Variants in PRKN observed in about 807,000 individuals in gnomAD.
The protein encoded by PRKN is E3 ubiquitin-protein ligase parkin.
In PRKN, 56 loss-of-function variants were observed where a neutral mutation model predicts 59.5. The observed-to-expected ratio is 0.94, with a 90% confidence interval of 0.76 to 1.18. The LOEUF is 1.18. Among genes scored for constraint, PRKN ranks in the 50% most tolerant of loss-of-function variants. The pLI is 0.00. For synonymous variants in PRKN, 250 were observed against 222.1 expected (o/e 1.13, Z -1.12); for missense variants, 657 against 596.4 (o/e 1.10, Z -1.06).
intron 5 of PRKN, among the ~76,000 whole-genome samples, chr6:161,975,140 C>T (rs1417715074): frequency 7.2e-6 from 1 of 138,282 alleles, no homozygotes; most frequent in Non-Finnish European, 1.5e-5. Flanking sequence ...GGCTGGAGTG[C>T]AGTGGCGCGA....
At chr6:162,271,016 G>GTTTTTT (rs61368267) in intron 2 of PRKN, among the ~76,000 whole-genome samples, 31 of 108,244 alleles carry the variant, frequency 2.9e-4, no homozygotes, top group African/African-American at 7.7e-4. Flanking sequence ...TAATTTTCTA[G>GTTTTTT]TTTTTTTTTT....
intron 7 of PRKN, among the ~76,000 whole-genome samples, chr6:161,580,411 C>G (rs1293258214): frequency 1.3e-5 from 2 of 152,148 alleles, no homozygotes; most frequent in Non-Finnish European, 2.9e-5. Context: ...CAATTCCAGA[C>G]AGTTAAATCC....
intron 9 of PRKN, among the ~76,000 whole-genome samples, chr6:161,517,354 C>T (rs1778647005): frequency 6.6e-6 from 1 of 152,010 alleles, no homozygotes; most frequent in African/African-American, 2.4e-5. Context: ...TCACAGCGCA[C>T]CAAAACGTAC....
Position 161,527,536 on chromosome 6 carries a change from C to T in PRKN, c.1083+21318G>A, listed in dbSNP as rs1017057862. On this transcript the variant is annotated intron_variant, in intron 9 of 11. Coordinates refer to ENST00000366898, the MANE Select transcript of PRKN (RefSeq NM_004562.3). This position sits in a 1 kb window ranked among gnomAD's most constrained non-coding sequence, Gnocchi z 4.6. ...GCAAGATGCCTTCTGCTACCAAGTGCTGTGGCCTCTCTCTGCCTGAGGGGT... is the reference window on the plus strand; with the variant it reads ...GCAAGATGCCTTCTGCTACCAAGTGTTGTGGCCTCTCTCTGCCTGAGGGGT... Among the ~76,000 whole-genome samples the T allele has an allele frequency of 1.3e-5, 2 of 152,214 alleles. No individual in the cohort carries two copies. Among genetic ancestry groups the T allele is most frequent in the African/African-American group, 4.8e-5 (2 of 41,446 alleles).
intron 7 of PRKN, among the ~76,000 whole-genome samples, chr6:161,738,531 T>C (rs186875300): frequency 6.6e-6 from 1 of 152,294 alleles, no homozygotes; most frequent in East Asian, 1.9e-4. Flanking sequence ...GTAAAATGTG[T>C]CCCTGAGTAA....
At chr6:162,512,978 G>A (rs1321082310) in intron 1 of PRKN, among the ~76,000 whole-genome samples, 2 of 152,108 alleles carry the variant, frequency 1.3e-5, no homozygotes, top group African/African-American at 2.4e-5. Context: ...TGTTAGGGCT[G>A]GCACAAATCC....
chr6:162,343,264 T>C (rs998823546), intron 2 of PRKN, among the ~76,000 whole-genome samples: 2 of 152,168 alleles, frequency 1.3e-5, no homozygotes, highest in African/African-American at 4.8e-5. Context: ...CAAGGGATTA[T>C]TTGTTAATAT....
rs1003079323 is a variant in PRKN at position 161,352,889 on chromosome 6, C to G, written c.1286-2678G>C. 6.6e-6 allele frequency among the ~76,000 whole-genome samples: 1 copy of G among 151,856 alleles called. No homozygotes were observed. Among genetic ancestry groups the G allele is most frequent in the Non-Finnish European group, 1.5e-5 (1 of 67,980 alleles). ...CTGCCTCCCGGGTTCAAGCAATTCT[C>G]CTGCCTCAGCCTCTCGAGTAGTTGG... On this transcript the variant is annotated intron_variant, in intron 11 of 11. Coordinates refer to ENST00000366898, the MANE Select transcript of PRKN (RefSeq NM_004562.3). The surrounding 1 kb of genome is among the most constrained non-coding windows in gnomAD (Gnocchi z 5.8).
chr6:162,091,497 C>T (rs1436117957), intron 4 of PRKN, among the ~76,000 whole-genome samples: 2 of 152,132 alleles, frequency 1.3e-5, no homozygotes, highest in Non-Finnish European at 2.9e-5. Flanking sequence ...GGATTGCGAT[C>T]CCATTATGCA....
chr6:162,044,604 G>A (rs1232369554), intron 5 of PRKN, among the ~76,000 whole-genome samples: 2 of 152,204 alleles, frequency 1.3e-5, no homozygotes, highest in Non-Finnish European at 2.9e-5. Context: ...ATCAAAGCAG[G>A]GAATGTTGAT....
At chr6:161,748,728 G>A (rs571341655) in intron 7 of PRKN, among the ~76,000 whole-genome samples, 42 of 152,266 alleles carry the variant, frequency 2.8e-4, no homozygotes, top group African/African-American at 8.9e-4. Flanking sequence ...TTGGGAAGAC[G>A]CGGGGAGTGT....
In PRKN at chr6:161,471,330, A is replaced by G. The variant is rs78034511; in HGVS notation, c.1083+77524T>C. On this transcript the variant is annotated intron_variant, in intron 9 of 11. Coordinates refer to ENST00000366898, the MANE Select transcript of PRKN (RefSeq NM_004562.3). The surrounding 1 kb of genome is among the most constrained non-coding windows in gnomAD (Gnocchi z 4.5). ...GGATGTTGTTTTATTTCACTTACAG[A>G]TATACACCTACGTAAGCAGCTTTAT... is the stretch of plus-strand genomic sequence containing the variant. Among the ~76,000 whole-genome samples the G allele has an allele frequency of 4.4e-3, 665 of 152,324 alleles. 9 individuals are homozygous for G. The highest frequency in any genetic ancestry group is 0.023 in the East Asian group (121 of 5,186).
chr6:162,531,800 G>A (rs1377287525), intron 1 of PRKN, among the ~76,000 whole-genome samples: 1 of 152,088 alleles, frequency 6.6e-6, no homozygotes, highest in Non-Finnish European at 1.5e-5. Flanking sequence ...CTTTGGGAAA[G>A]GGATGTTACA....
chr6:161,776,039 G>A (rs1308372382), intron 7 of PRKN, among the ~76,000 whole-genome samples: 1 of 152,182 alleles, frequency 6.6e-6, no homozygotes, highest in Non-Finnish European at 1.5e-5. Flanking sequence ...CTAATGGTGA[G>A]GCTGATGGCA....
chr6:162,574,680 A>G (rs1227181816), intron 1 of PRKN, among the ~76,000 whole-genome samples: 1 of 105,712 alleles, frequency 9.5e-6, no homozygotes, highest in Non-Finnish European at 2.0e-5. Context: ...TAAGATTGCT[A>G]TCCCCCAAAA....
intron 3 of PRKN, among the ~76,000 whole-genome samples, chr6:162,215,321 T>C (rs151257793): frequency 6.8e-4 from 104 of 152,302 alleles, no homozygotes; most frequent in African/African-American, 2.4e-3. Context: ...TTGAAACTAA[T>C]GGTGTGGTAT....
intron 7 of PRKN, among the ~76,000 whole-genome samples, chr6:161,626,781 G>A (rs140005144): frequency 8.3e-4 from 126 of 152,312 alleles, no homozygotes; most frequent in African/African-American, 2.9e-3. Context: ...CAGCAGCCAC[G>A]GCTGGCTGGT....
chr6:161,939,378 A>G (rs915818371), intron 6 of PRKN, among the ~76,000 whole-genome samples: 2 of 133,740 alleles, frequency 1.5e-5, no homozygotes, highest in African/African-American at 5.7e-5. Context: ...AGATCGTTCC[A>G]CTGCACTCCA....
At chr6:161,501,793 G>C (rs1777973974) in intron 9 of PRKN, among the ~76,000 whole-genome samples, 1 of 152,172 alleles carries the variant, frequency 6.6e-6, no homozygotes, top group Non-Finnish European at 1.5e-5. Context: ...GCCATGGGTT[G>C]TGTGGGTCTA....
Sources: allele counts gnomAD v4.1 joint callset (sites outside exome capture counted in the v4.1 genomes callset), GRCh38; gene constraint gnomAD v4.1.1; non-coding constraint Gnocchi (gnomAD v3.1); transcripts MANE v1.5; gene names NCBI Gene and HGNC (gene_info 2026-07-23, HGNC 2026-07-21).